KCNQ3: variants seen among roughly 807,000 people sequenced by gnomAD.
KCNQ3 encodes the protein potassium voltage-gated channel subfamily Q member 3, also known as potassium voltage-gated channel subfamily KQT member 3.
Under a neutral mutation model 92.5 loss-of-function variants are expected in KCNQ3, and 30 were observed. The observed-to-expected ratio is 0.32, with a 90% confidence interval of 0.24 to 0.44. The LOEUF (loss-of-function observed/expected upper bound fraction) is 0.44, where lower values mean the gene tolerates loss of function less well. Ranked by LOEUF, KCNQ3 falls within the 20% of genes least tolerant of loss-of-function variation. The pLI is 1.00. For missense variants in KCNQ3, 913 were observed against 1,140.3 expected (o/e 0.80, Z 2.87); for synonymous variants, 450 against 468.8 (o/e 0.96, Z 0.52).
chr8:132,480,677 C>CCA lies in KCNQ3; in HGVS notation c.-146_-145insTG, dbSNP rs1822541024. 1.7e-5 allele frequency: 15 copies of CCA among 902,474 alleles called. No individual in the cohort carries two copies. Among genetic ancestry groups the CCA allele is most frequent in the Non-Finnish European group, 1.9e-5 (14 of 742,390 alleles). The allele number at this position is 902,474 out of a possible 1,614,324, so 55.9% of individuals were successfully genotyped here. On this transcript the variant is annotated 5_prime_UTR_variant, in exon 1 of 15. Transcript: ENST00000388996. ...ATCCGCGCGCCCCTCCCCACCCCCC[C>CCA]CCAAAAGCAGGCAAAGGCGGGCCCC...
chr8:132,157,442 A>G (rs528693605), intron 9 of KCNQ3, among the ~76,000 whole-genome samples: 92 of 152,304 alleles, frequency 6.0e-4, no homozygotes, highest in African/African-American at 2.1e-3. Context: ...TGCAATAGCC[A>G]TTCACCCATG....
intron 8 of KCNQ3, among the ~76,000 whole-genome samples, chr8:132,165,495 C>T (rs1404772161): frequency 6.6e-6 from 1 of 152,100 alleles, no homozygotes; most frequent in African/African-American, 2.4e-5. Flanking sequence ...GCTTCCTTTC[C>T]CCTTCGGCAT....
chr8:132,391,412 C>T (rs998303077), intron 1 of KCNQ3, among the ~76,000 whole-genome samples: 9 of 151,584 alleles, frequency 5.9e-5, no homozygotes, highest in African/African-American at 1.7e-4. Flanking sequence ...GGTGAGGCGA[C>T]GCCGAGAAGA....
chr8:132,360,331 C>T (rs1819130267), intron 1 of KCNQ3, among the ~76,000 whole-genome samples: 1 of 152,146 alleles, frequency 6.6e-6, no homozygotes, highest in Non-Finnish European at 1.5e-5. Context: ...ATCTCTCATC[C>T]CTCTTTATTT....
chr8:132,480,266 G>A lies in KCNQ3; in HGVS notation c.267C>T (p.Ala89=), dbSNP rs376211413. Residue 89 remains alanine, a synonymous_variant, in exon 1 of 15, where the codon GCC becomes GCT. Transcript: ENST00000388996. ...RRTPQGIGLL[A]KTPLSRPVKR... is the part of the protein sequence containing the mutation. Reference sequence around the variant, plus strand: ...TGACTGGGCGGCTCAGCGGGGTCTTGGCCAGGAGCCCGATGCCCTGCGGGG... The same window carrying A: ...TGACTGGGCGGCTCAGCGGGGTCTTAGCCAGGAGCCCGATGCCCTGCGGGG... 1.2e-5 allele frequency: 20 copies of A among 1,612,020 alleles called. No individual in the cohort carries two copies. The highest frequency in any genetic ancestry group is 5.3e-5 in the African/African-American group (4 of 74,876).
At chr8:132,242,419 C>T (rs571737982) in intron 1 of KCNQ3, among the ~76,000 whole-genome samples, 27 of 152,246 alleles carry the variant, frequency 1.8e-4, no homozygotes, top group African/African-American at 6.5e-4. Flanking sequence ...AAAAGATTGA[C>T]AATATTTATG....
intron 1 of KCNQ3, among the ~76,000 whole-genome samples, chr8:132,386,422 T>C (rs938646047): frequency 2.0e-5 from 3 of 152,100 alleles, no homozygotes; most frequent in Non-Finnish European, 2.9e-5. Flanking sequence ...CAGATATATA[T>C]CAGTTTTTAA....
chr8:132,402,842 C>T (rs2130785968), intron 1 of KCNQ3, among the ~76,000 whole-genome samples: 1 of 151,676 alleles, frequency 6.6e-6, no homozygotes, highest in African/African-American at 2.4e-5. Context: ...ATGGTGAAAC[C>T]CCATTTCTAC....
At chr8:132,223,691 T>C (rs1386678426) in intron 1 of KCNQ3, among the ~76,000 whole-genome samples, 1 of 152,148 alleles carries the variant, frequency 6.6e-6, no homozygotes, top group Non-Finnish European at 1.5e-5. Flanking sequence ...GGCCATATAG[T>C]ATGCGTGGAG....
intron 1 of KCNQ3, among the ~76,000 whole-genome samples, chr8:132,461,426 G>A (rs941289769): frequency 3.3e-5 from 5 of 152,092 alleles, no homozygotes; most frequent in African/African-American, 7.2e-5. Context: ...CTAGCCGGGC[G>A]TGGTGGTGGG....
At chr8:132,312,121 G>A (rs1817610869) in intron 1 of KCNQ3, among the ~76,000 whole-genome samples, 1 of 152,174 alleles carries the variant, frequency 6.6e-6, no homozygotes, top group South Asian at 2.1e-4. Flanking sequence ...GCCTTCAGAA[G>A]GAGCGTGGCT....
At chr8:132,138,086 C>A in intron 11 of KCNQ3, 70 bp from the exon 12 acceptor site, 1 of 1,553,228 alleles carries the variant, frequency 6.4e-7, no homozygotes, top group East Asian at 2.2e-5. Context: ...AGAAGGCTAG[C>A]AAACTCCAGG....
intron 1 of KCNQ3, among the ~76,000 whole-genome samples, chr8:132,449,059 A>G (rs1023333191): frequency 2.0e-5 from 3 of 151,960 alleles, no homozygotes; most frequent in Admixed American, 1.3e-4. Flanking sequence ...AAAATATTGG[A>G]CCTCTCTGAG....
chr8:132,153,963 G>A (rs1825715062), intron 9 of KCNQ3, among the ~76,000 whole-genome samples: 1 of 150,724 alleles, frequency 6.6e-6, no homozygotes, highest in African/African-American at 2.5e-5. Flanking sequence ...CCTTTCAAAT[G>A]CATCCTGAAC....
At position 132,164,225 on chromosome 8, in the gene KCNQ3, C is replaced by T. The variant is rs544978961; in HGVS notation, c.1236-731G>A. On this transcript the variant is annotated intron_variant, in intron 8 of 14. Coordinates refer to ENST00000388996, the MANE Select transcript of KCNQ3 (RefSeq NM_004519.4). The stretch of plus-strand genomic sequence containing the variant: ...CTTTATGTACACCTGGAGGGGCCCT[C>T]CTAGGGGTTCTTATTCAATTGCCCA... 2.1e-3 allele frequency among the ~76,000 whole-genome samples: 319 copies of T among 152,146 alleles called. 1 individual carries two copies. The highest frequency in any genetic ancestry group is 3.5e-3 in the Admixed American group (53 of 15,296).
At chr8:132,416,620 T>TCAAA (rs1249669019) in intron 1 of KCNQ3, among the ~76,000 whole-genome samples, 2 of 152,018 alleles carry the variant, frequency 1.3e-5, no homozygotes, top group African/African-American at 4.8e-5. Context: ...AGACTCCATC[T>TCAAA]CAAACAAACA....
chr8:132,356,394 G>A (rs1046583121), intron 1 of KCNQ3, among the ~76,000 whole-genome samples: 2 of 152,200 alleles, frequency 1.3e-5, no homozygotes, highest in African/African-American at 4.8e-5. Flanking sequence ...AAGCAGGAAT[G>A]ATGTTTTTAA....
At chr8:132,193,059 T>G (rs1827205397) in intron 1 of KCNQ3, among the ~76,000 whole-genome samples, 2 of 152,164 alleles carry the variant, frequency 1.3e-5, no homozygotes, top group Admixed American at 1.3e-4. Context: ...GCTCCTCTCC[T>G]CTCTTGTTCC....
intron 1 of KCNQ3, among the ~76,000 whole-genome samples, chr8:132,329,114 AAGGCAG>A (rs1818153617): frequency 6.6e-6 from 1 of 152,216 alleles, no homozygotes; most frequent in African/African-American, 2.4e-5. Flanking sequence ...CTCATGGAGG[AAGGCAG>A]ACAATACACA....
Sources: allele counts gnomAD v4.1 joint callset (sites outside exome capture counted in the v4.1 genomes callset), GRCh38; gene constraint gnomAD v4.1.1; transcripts MANE v1.5; gene names NCBI Gene and HGNC (gene_info 2026-07-23, HGNC 2026-07-21).